ARID4B: variants seen among roughly 807,000 people sequenced by gnomAD.
ARID4B encodes the protein AT-rich interactive domain-containing protein 4B.
A neutral mutation model predicts 147.5 loss-of-function variants in ARID4B; 26 were observed. The observed-to-expected ratio is 0.18, with a 90% CI of 0.13 to 0.24. The LOEUF is 0.24. ARID4B is among the 10% of genes least tolerant of loss of function. ARID4B has a pLI of 1.00. For missense variants in ARID4B, 1,179 were observed against 1,511.5 expected (o/e 0.78, Z 3.65); for synonymous variants, 512 against 507.9 (o/e 1.01, Z -0.11).
At chr1:235,260,046 A>G (rs1327634522) in intron 3 of ARID4B, among the ~76,000 whole-genome samples, 1 of 152,228 alleles carries the variant, frequency 6.6e-6, no homozygotes, top group Non-Finnish European at 1.5e-5. Flanking sequence ...GGTATTTTTC[A>G]GTGCTGATAA....
intron 17 of ARID4B, among the ~76,000 whole-genome samples, chr1:235,211,325 C>G (rs897946040): frequency 2.0e-5 from 3 of 151,876 alleles, no homozygotes; most frequent in African/African-American, 7.2e-5. Flanking sequence ...GAGTGAAACT[C>G]CGTGGAAGGA....
rs1195357120 is a variant in ARID4B at position 235,327,920 on chromosome 1, C to A, written c.-201G>T. ...GAGGCTCCGGCTCCTCCTCCTCCCG[C>A]GGCGGCGACTGGTACCTTTGTTTGG... On this transcript the variant is annotated 5_prime_UTR_variant, in exon 1 of 24. Coordinates refer to ENST00000264183, the MANE Select transcript of ARID4B (RefSeq NM_016374.6). 1 of 152,578 alleles carries A rather than the reference C, an allele frequency of 6.6e-6. No individual in the cohort carries two copies. Among genetic ancestry groups the A allele is most frequent in the Admixed American group, 6.5e-5 (1 of 15,292 alleles). The allele number at this position is 152,578 out of a possible 1,614,324, so 9.5% of individuals were successfully genotyped here.
chr1:235,225,629 G>T (rs952493012), intron 11 of ARID4B, among the ~76,000 whole-genome samples: 1 of 152,216 alleles, frequency 6.6e-6, no homozygotes, highest in Non-Finnish European at 1.5e-5. Context: ...AGGAGTAACT[G>T]CAGAGAAAAT....
intron 17 of ARID4B, among the ~76,000 whole-genome samples, chr1:235,212,674 G>A (rs564627286): frequency 2.6e-5 from 4 of 152,226 alleles, no homozygotes; most frequent in African/African-American, 9.6e-5. Context: ...TTTTCTATGA[G>A]TACATTTATA....
chr1:235,271,755 C>T (rs796176864), intron 2 of ARID4B, among the ~76,000 whole-genome samples: 1 of 152,008 alleles, frequency 6.6e-6, no homozygotes, highest in African/African-American at 2.4e-5. Flanking sequence ...TTGAGACCAG[C>T]CTGACCAACA....
chr1:235,327,421 C>T (rs1402879559), intron 1 of ARID4B: 1 of 152,280 alleles, frequency 6.6e-6, no homozygotes, highest in Non-Finnish European at 1.5e-5. Context: ...GCCACAGAGC[C>T]CCTGCCCACG....
At chr1:235,215,482 T>C (rs1323289975) in intron 16 of ARID4B, among the ~76,000 whole-genome samples, 1 of 151,284 alleles carries the variant, frequency 6.6e-6, no homozygotes, top group African/African-American at 2.4e-5. Context: ...TTAAAATATA[T>C]GCTATATTAT....
intron 2 of ARID4B, 172 bp downstream of exon 2, chr1:235,326,742 A>G (rs939914092): frequency 2.7e-6 from 2 of 754,432 alleles, no homozygotes; most frequent in East Asian, 5.0e-5. Flanking sequence ...CTCCAACTCC[A>G]CAGCAAAGCC....
intron 2 of ARID4B, among the ~76,000 whole-genome samples, chr1:235,295,645 A>C (rs774738159): frequency 6.6e-6 from 1 of 151,306 alleles, no homozygotes; most frequent in African/African-American, 2.4e-5. Flanking sequence ...CCCTGACTCT[A>C]CTAAAAATAC....
At chr1:235,327,045 G>T in intron 1 of ARID4B, 77 bp from the exon 2 acceptor site, 1 of 1,039,442 alleles carries the variant, frequency 9.6e-7, no homozygotes, top group Non-Finnish European at 1.5e-6. Context: ...GGAAAGAAGC[G>T]AGCGACGTCC....
intron 11 of ARID4B, 90 bp from the exon 12 acceptor site, chr1:235,224,865 T>C: frequency 1.2e-6 from 1 of 841,428 alleles, no homozygotes; most frequent in South Asian, 1.7e-5. Flanking sequence ...AGACTAGTGT[T>C]CATTAAAATA....
intron 2 of ARID4B, among the ~76,000 whole-genome samples, chr1:235,316,639 C>T (rs1341147637): frequency 3.3e-5 from 5 of 151,794 alleles, no homozygotes; most frequent in South Asian, 2.1e-4. Flanking sequence ...GCCAACATGG[C>T]GAAACCTCGT....
chr1:235,181,061 A>G (rs1238101662), intron 20 of ARID4B: 9 of 993,254 alleles, frequency 9.1e-6, no homozygotes, highest in Non-Finnish European at 1.1e-5. Flanking sequence ...AAATTCCTTT[A>G]CAAACTCACA....
At chr1:235,258,259 G>T (rs1042933211) in intron 3 of ARID4B, among the ~76,000 whole-genome samples, 2 of 152,168 alleles carry the variant, frequency 1.3e-5, no homozygotes, top group African/African-American at 2.4e-5. Flanking sequence ...TTGAACCAGG[G>T]AGGTGGAGGT....
At chr1:235,290,694 C>G (rs1277980993) in intron 2 of ARID4B, among the ~76,000 whole-genome samples, 1 of 152,206 alleles carries the variant, frequency 6.6e-6, no homozygotes, top group Non-Finnish European at 1.5e-5. Flanking sequence ...TTGTTTGCAG[C>G]TGGACATGGG....
At chr1:235,210,272 A>G (rs564566985) in intron 17 of ARID4B, among the ~76,000 whole-genome samples, 2 of 152,078 alleles carry the variant, frequency 1.3e-5, no homozygotes, top group African/African-American at 4.8e-5. Flanking sequence ...GATTAAAAAA[A>G]CCATGGAAAT....
intron 6 of ARID4B, among the ~76,000 whole-genome samples, chr1:235,249,180 A>G (rs925106369): frequency 1.3e-5 from 2 of 151,976 alleles, no homozygotes; most frequent in African/African-American, 2.4e-5. Context: ...TAAAAATACA[A>G]AAATTAGTCA....
At chr1:235,228,936 C>T (rs954367527) in intron 11 of ARID4B, 14 of 257,968 alleles carry the variant, frequency 5.4e-5, no homozygotes, top group South Asian at 9.9e-5. Flanking sequence ...TGAGCCACTG[C>T]GCCCAGCCTG....
At chr1:235,285,129 C>T (rs1436099627) in intron 2 of ARID4B, among the ~76,000 whole-genome samples, 1 of 152,192 alleles carries the variant, frequency 6.6e-6, no homozygotes, top group East Asian at 1.9e-4. Flanking sequence ...GTCATGTTGC[C>T]TAGGCTAGTC....
Sources: allele counts gnomAD v4.1 joint callset (sites outside exome capture counted in the v4.1 genomes callset), GRCh38; gene constraint gnomAD v4.1.1; transcripts MANE v1.5; gene names NCBI Gene and HGNC (gene_info 2026-07-23, HGNC 2026-07-21).